FRYL: variants seen among roughly 807,000 people sequenced by gnomAD.
FRYL encodes FRY like transcription coactivator, also known as protein furry homolog-like.
FRYL carries 150 observed loss-of-function variants against 351.2 expected under a neutral mutation model. That is an observed-to-expected ratio of 0.43 (90% confidence interval 0.37 to 0.49). The LOEUF (loss-of-function observed/expected upper bound fraction) is 0.49. Ranked by LOEUF, FRYL falls within the 20% of genes least tolerant of loss-of-function variation. FRYL has a pLI of 0.00. For missense variants in FRYL, 3,036 were observed against 3,619.3 expected, an observed-to-expected ratio of 0.84 and a Z score of 4.13; for synonymous variants, 1,153 against 1,257.1, an observed-to-expected ratio of 0.92 and a Z score of 1.75.
intron 7 of FRYL, among the ~76,000 whole-genome samples, chr4:48,614,913 G>A (rs536623354): frequency 6.1e-5 from 8 of 130,318 alleles, no homozygotes; most frequent in East Asian, 4.8e-4. Context: ...TGCAAGCTCC[G>A]CCTCCCAGGT....
intron 47 of FRYL, among the ~76,000 whole-genome samples, chr4:48,538,537 T>TA (rs1369385052): frequency 6.6e-6 from 1 of 152,208 alleles, no homozygotes; most frequent in Non-Finnish European, 1.5e-5. Flanking sequence ...AATGTGTACT[T>TA]AGCAGTGCTG....
intron 3 of FRYL, among the ~76,000 whole-genome samples, chr4:48,669,358 C>T (rs1463063842): frequency 6.6e-6 from 1 of 152,014 alleles, no homozygotes; most frequent in Admixed American, 6.6e-5. Flanking sequence ...GTTTATGAAA[C>T]ATATGGTGGT....
chr4:48,561,706 A>G, intron 32 of FRYL, 70 bp from the exon 33 acceptor site: 4 of 1,242,096 alleles, frequency 3.2e-6, no homozygotes, highest in Non-Finnish European at 4.4e-6. Context: ...CTATAATTTT[A>G]TAATTTTTAA....
intron 1 of FRYL, among the ~76,000 whole-genome samples, chr4:48,718,618 C>T (rs147870702): frequency 6.6e-6 from 1 of 151,520 alleles, no homozygotes; most frequent in Non-Finnish European, 1.5e-5. Context: ...CTCTTCAAGT[C>T]CCCAGGCCCA....
At chr4:48,759,611 T>A (rs1774191369) in intron 1 of FRYL, among the ~76,000 whole-genome samples, 1 of 152,182 alleles carries the variant, frequency 6.6e-6, no homozygotes, top group Non-Finnish European at 1.5e-5. Context: ...GATGCCTGCC[T>A]GATTTTTTGA....
intron 19 of FRYL, among the ~76,000 whole-genome samples, chr4:48,584,988 A>G (rs1426491393): frequency 1.3e-5 from 2 of 152,194 alleles, no homozygotes; most frequent in Non-Finnish European, 2.9e-5. Context: ...ATTGTCATTC[A>G]CTATTCAGCT....
intron 32 of FRYL, 73 bp from the exon 33 acceptor site, chr4:48,561,709 A>C: frequency 8.2e-7 from 1 of 1,225,406 alleles, no homozygotes; most frequent in Non-Finnish European, 1.1e-6. Flanking sequence ...TAATTTTATA[A>C]TTTTTAAAAA....
intron 54 of FRYL, among the ~76,000 whole-genome samples, chr4:48,522,247 C>T (rs1449834371): frequency 6.6e-6 from 1 of 152,174 alleles, no homozygotes; most frequent in Admixed American, 6.5e-5. Flanking sequence ...TGCCACTGCA[C>T]TCCAGCCTGG....
chr4:48,506,649 TATATATA>T (rs1560504213), intron 59 of FRYL: 2 of 87,176 alleles, frequency 2.3e-5, no homozygotes, highest in Non-Finnish European at 5.4e-5. Flanking sequence ...TATATATATA[TATATATA>T]TATATATATA....
intron 1 of FRYL, among the ~76,000 whole-genome samples, chr4:48,732,221 A>G (rs1770799259): frequency 1.3e-5 from 2 of 152,202 alleles, no homozygotes; most frequent in African/African-American, 2.4e-5. Context: ...CAAAACCACA[A>G]TGAGATACTA....
chr4:48,774,157 G>C (rs531110445), intron 1 of FRYL, among the ~76,000 whole-genome samples: 1 of 152,004 alleles, frequency 6.6e-6, no homozygotes, highest in African/African-American at 2.4e-5. Context: ...GTGGGGATGG[G>C]ATGAAAAAGT....
rs1205823239 is a variant in FRYL, at chr4:48,603,283, T to C, written c.933+7A>G. On this transcript the variant is annotated splice_region_variant and intron_variant, in intron 12 of 63. Transcript: ENST00000358350. ...AATATGAAAAGGTTTGAAATGTTTC[T>C]TAATACCAATGAATGCTTCTTTCTC... is the stretch of plus-strand genomic sequence containing the variant. The C allele has an allele frequency of 1.3e-6, 2 of 1,551,818 alleles. No individual in the cohort carries two copies. The highest frequency in any genetic ancestry group is 1.1e-5 in the South Asian group (1 of 87,204).
chr4:48,650,003 G>A lies in FRYL; in HGVS notation c.-80-15513C>T, dbSNP rs576298073. On this transcript the variant is annotated intron_variant, in intron 3 of 63. Transcript: ENST00000358350. ...TTTTCTTTTTTCTTCAGGAGGGTAG[G>A]GGCAACATTTGAAATATATAATTTA... Among the ~76,000 whole-genome samples, 157 of 151,564 alleles carry A rather than the reference G, an allele frequency of 1.0e-3. 1 individual carries two copies. Among genetic ancestry groups the A allele is most frequent in the African/African-American group, 3.7e-3 (152 of 41,340 alleles).
intron 27 of FRYL, 27 bp downstream of exon 27, chr4:48,570,799 GT>G: frequency 2.0e-6 from 3 of 1,503,680 alleles, no homozygotes; most frequent in Non-Finnish European, 2.8e-6. Context: ...TCATTCCAGA[GT>G]TTTAACAATG....
intron 26 of FRYL, chr4:48,571,875 A>AT: frequency 9.1e-6 from 9 of 985,330 alleles, no homozygotes; most frequent in Non-Finnish European, 1.1e-5. Context: ...ACATCACTGC[A>AT]TGTGTTTAAT....
At position 48,531,305 on chromosome 4, in the gene FRYL, G is replaced by A. The variant is rs755564286; in HGVS notation, c.6754C>T (p.Arg2252Cys). Residue 2252 changes from arginine (R) to cysteine (C), a missense_variant, in exon 50 of 64, where the codon CGC becomes TGC. By Grantham distance (180) the Arg-to-Cys change is radical (BLOSUM62 -3). Coordinates refer to ENST00000358350, the MANE Select transcript of FRYL (RefSeq NM_015030.2). ...ALNILKLVVS[R>C]SASLVVPSDI... The stretch of plus-strand genomic sequence containing the variant: ...CTGGGTACGACAAGACTCGCAGAGC[G>A]TGACACCACCAGCTTTAATATGTTA... 11 of 1,613,632 alleles carry A rather than the reference G, an allele frequency of 6.8e-6. No homozygotes were observed. Among genetic ancestry groups the A allele is most frequent in the Admixed American group, 1.7e-5 (1 of 59,986 alleles).
intron 40 of FRYL, among the ~76,000 whole-genome samples, chr4:48,548,428 A>AT (rs1018546245): frequency 2.6e-5 from 4 of 152,116 alleles, no homozygotes; most frequent in African/African-American, 7.2e-5. Context: ...TTTCCTTGGT[A>AT]TAGTATATGT....
At chr4:48,611,806 T>C (rs1748262751) in intron 7 of FRYL, among the ~76,000 whole-genome samples, 1 of 152,200 alleles carries the variant, frequency 6.6e-6, no homozygotes, top group Admixed American at 6.5e-5. Context: ...GACAAAGAGA[T>C]GCTTGATTTC....
At chr4:48,612,589 A>AT (rs1748451153) in intron 7 of FRYL, among the ~76,000 whole-genome samples, 1 of 150,594 alleles carries the variant, frequency 6.6e-6, no homozygotes, top group Non-Finnish European at 1.5e-5. Context: ...TTATTTATTT[A>AT]TTTTTGAGAC....
Sources: gnomAD v4.1 joint callset for allele counts (sites outside exome capture counted in the v4.1 genomes callset) on GRCh38, gnomAD v4.1.1 for gene constraint, MANE v1.5 for transcripts, NCBI Gene and HGNC (gene_info 2026-07-23, HGNC 2026-07-21) for gene names.